Variants in CDH19 observed in about 807,000 individuals in gnomAD.
CDH19 encodes the protein cadherin 19.
Under a neutral mutation model 64.2 loss-of-function variants are expected in CDH19, and 67 were observed. The observed-to-expected ratio is 1.04, with a 90% confidence interval of 0.86 to 1.28. The LOEUF is 1.28. CDH19 is among the 50% of genes most tolerant of loss of function. CDH19 has a pLI of 0.00. For missense variants in CDH19, 1,030 were observed against 929.0 expected (o/e 1.11, Z -1.41); for synonymous variants, 346 against 319.3 (o/e 1.08, Z -0.89).
intron 1 of CDH19, among the ~76,000 whole-genome samples, chr18:66,575,619 A>C (rs1270763168): frequency 6.6e-6 from 1 of 151,832 alleles, no homozygotes; most frequent in Non-Finnish European, 1.5e-5. Context: ...CCGTATTCCT[A>C]ATCTTCAATA....
intron 5 of CDH19, among the ~76,000 whole-genome samples, chr18:66,545,246 G>A (rs1352945667): frequency 6.6e-6 from 1 of 151,966 alleles, no homozygotes; most frequent in Non-Finnish European, 1.5e-5. Flanking sequence ...CCAAAGTGCT[G>A]GGATTTCAGA....
intron 3 of CDH19, among the ~76,000 whole-genome samples, chr18:66,557,917 AT>A (rs1292276337): frequency 1.3e-5 from 2 of 151,568 alleles, no homozygotes; most frequent in East Asian, 3.9e-4. Flanking sequence ...GGTTCCCTAT[AT>A]TTGTATAATC....
intron 9 of CDH19, among the ~76,000 whole-genome samples, chr18:66,519,187 G>A (rs972495852): frequency 6.6e-5 from 10 of 152,254 alleles, no homozygotes; most frequent in Admixed American, 6.5e-4. Context: ...GCAATGTCAA[G>A]TGTACATAGA....
intron 9 of CDH19, among the ~76,000 whole-genome samples, chr18:66,528,109 A>C (rs1186123389): frequency 6.6e-6 from 1 of 151,992 alleles, no homozygotes; most frequent in Non-Finnish European, 1.5e-5. Flanking sequence ...TATTTTAAGA[A>C]AACTGGTGTG....
chr18:66,576,527 T>C (rs557995987), intron 1 of CDH19, among the ~76,000 whole-genome samples: 3 of 151,694 alleles, frequency 2.0e-5, no homozygotes, highest in South Asian at 2.1e-4. Context: ...CATTTCATAA[T>C]ATAAAACAAT....
chr18:66,525,417 G>A (rs143075591), intron 9 of CDH19, among the ~76,000 whole-genome samples: 4 of 152,022 alleles, frequency 2.6e-5, no homozygotes, highest in Non-Finnish European at 5.9e-5. Context: ...TTCTAGGAAG[G>A]AGGAAGAGAT....
Position 66,537,745 on chromosome 18 carries a change from T to C in CDH19, c.1215-2638A>G, listed in dbSNP as rs142056972. 1.7e-3 allele frequency among the ~76,000 whole-genome samples: 257 copies of C among 152,112 alleles called. 4 individuals carry two copies. The highest frequency in any genetic ancestry group is 5.9e-3 in the African/African-American group (247 of 41,526). On this transcript the variant is annotated intron_variant, in intron 7 of 11. Coordinates refer to ENST00000262150, the MANE Select transcript of CDH19 (RefSeq NM_021153.4). ...ATCAGATGAGTTGCAGCATCTTTGA[T>C]TGGAGAGTAGTATTAGAAAGCAAGA... is the stretch of plus-strand genomic sequence containing the variant.
At chr18:66,549,902 C>A (rs1312024281) in intron 5 of CDH19, among the ~76,000 whole-genome samples, 1 of 151,900 alleles carries the variant, frequency 6.6e-6, no homozygotes, top group African/African-American at 2.4e-5. Flanking sequence ...ATGGACTCAA[C>A]TACTGGAAGG....
intron 5 of CDH19, among the ~76,000 whole-genome samples, chr18:66,547,386 G>C (rs887744575): frequency 1.3e-5 from 2 of 152,008 alleles, no homozygotes; most frequent in Admixed American, 6.6e-5. Context: ...TTTGCTCCAA[G>C]AATATTGAAA....
chr18:66,520,873 T>C (rs1391945259), intron 9 of CDH19, among the ~76,000 whole-genome samples: 1 of 152,100 alleles, frequency 6.6e-6, no homozygotes, highest in African/African-American at 2.4e-5. Flanking sequence ...TGTAATCTTA[T>C]TGCCTTAAAT....
chr18:66,597,039 G>A (rs1017152361), intron 1 of CDH19, among the ~76,000 whole-genome samples: 6 of 115,292 alleles, frequency 5.2e-5, no homozygotes, highest in Admixed American at 1.2e-4. Flanking sequence ...CCGAGATCCC[G>A]CCACTGCACT....
intron 1 of CDH19, among the ~76,000 whole-genome samples, chr18:66,586,069 A>G (rs1056596452): frequency 6.6e-6 from 1 of 152,124 alleles, no homozygotes; most frequent in African/African-American, 2.4e-5. Flanking sequence ...TAATTATTCC[A>G]TCTGTGAAAA....
At chr18:66,524,487 A>G (rs1261134367) in intron 9 of CDH19, among the ~76,000 whole-genome samples, 3 of 149,238 alleles carry the variant, frequency 2.0e-5, no homozygotes, top group Non-Finnish European at 4.4e-5. Context: ...TAGGTAATGC[A>G]TATGTTAATT....
chr18:66,595,388 C>T (rs1988857401), intron 1 of CDH19, among the ~76,000 whole-genome samples: 1 of 149,970 alleles, frequency 6.7e-6, no homozygotes, highest in South Asian at 2.1e-4. Context: ...TCAACAAAAC[C>T]AAAGTTGTTC....
chr18:66,567,350 A>G (rs1987946672), intron 3 of CDH19, among the ~76,000 whole-genome samples: 1 of 151,318 alleles, frequency 6.6e-6, no homozygotes, highest in Admixed American at 6.6e-5. Flanking sequence ...AAAGGAGTAG[A>G]AGGTGGAGAA....
intron 3 of CDH19, among the ~76,000 whole-genome samples, chr18:66,562,634 G>A (rs1238500953): frequency 6.6e-6 from 1 of 152,028 alleles, no homozygotes; most frequent in Non-Finnish European, 1.5e-5. Context: ...TGTACCACGT[G>A]CTTGAAAGGA....
chr18:66,522,662 A>T (rs1013046638), intron 9 of CDH19, among the ~76,000 whole-genome samples: 1 of 151,246 alleles, frequency 6.6e-6, no homozygotes. Flanking sequence ...TATTATATAT[A>T]TTTTTTCTTC....
At chr18:66,544,589 T>C in intron 6 of CDH19, 130 bp downstream of exon 6, 1 of 604,730 alleles carries the variant, frequency 1.7e-6, no homozygotes, top group Non-Finnish European at 2.7e-6. Context: ...AAAATCCTTG[T>C]CTCCATAAAA....
chr18:66,531,000 A>G (rs1378624956), intron 8 of CDH19, among the ~76,000 whole-genome samples: 2 of 152,146 alleles, frequency 1.3e-5, no homozygotes, highest in Non-Finnish European at 2.9e-5. Context: ...CACCACAGGT[A>G]AGAAGAATGA....
Sources: allele counts gnomAD v4.1 joint callset (sites outside exome capture counted in the v4.1 genomes callset), GRCh38; gene constraint gnomAD v4.1.1; transcripts MANE v1.5; gene names NCBI Gene and HGNC (gene_info 2026-07-23, HGNC 2026-07-21).